Variants in MSRA observed in about 807,000 individuals in gnomAD.
MSRA encodes the protein methionine sulfoxide reductase A, also known as mitochondrial peptide methionine sulfoxide reductase.
Under a neutral mutation model 31.3 loss-of-function variants are expected in MSRA, and 54 were observed. The observed-to-expected ratio is 1.73, with a 90% CI of 1.39 to 2.17. The LOEUF (loss-of-function observed/expected upper bound fraction) is 2.17, where lower values mean the gene tolerates loss of function less well. Ranked by LOEUF, MSRA falls within the 30% of genes most tolerant of loss-of-function variation. The probability of loss-of-function intolerance (pLI) is 0.00; values close to 1 mark genes in which losing one functional copy is unlikely to be tolerated. For synonymous variants in MSRA, 169 were observed against 116.5 expected (o/e 1.45, Z -2.90); for missense variants, 507 against 300.9 (o/e 1.69, Z -5.07).
rs76596516 is a variant in MSRA at position 10,217,771 on chromosome 8, T to A, written c.211+9870T>A. On this transcript the variant is annotated intron_variant, in intron 2 of 5. Transcript: ENST00000317173. The stretch of plus-strand genomic sequence containing the variant: ...ATTTTTTACACCTAAAATAATACTT[T>A]TTAAATATCATCAAATCTCCAGTGA... 6.5e-3 allele frequency among the ~76,000 whole-genome samples: 989 copies of A among 152,308 alleles called. 75 individuals carry two copies. The East Asian group carries it at 0.15, about 23-fold the overall frequency.
At chr8:10,110,708 G>A (rs895442133) in intron 1 of MSRA, among the ~76,000 whole-genome samples, 1 of 152,164 alleles carries the variant, frequency 6.6e-6, no homozygotes, top group East Asian at 1.9e-4. Flanking sequence ...TCCCAGGCTG[G>A]CTGACCTGTG....
intron 1 of MSRA, among the ~76,000 whole-genome samples, chr8:10,184,352 T>C (rs7011004): frequency 0.54 from 82,567 of 151,602 alleles, 23,921 homozygotes; most frequent in African/African-American, 0.76. Context: ...CACTAATACA[T>C]TCTAAACCTC....
At chr8:10,256,198 G>T (rs530264336) in intron 3 of MSRA, among the ~76,000 whole-genome samples, 1 of 152,212 alleles carries the variant, frequency 6.6e-6, no homozygotes, top group Admixed American at 6.5e-5. Context: ...GCCTTTTTCA[G>T]AATGTCATTG....
intron 1 of MSRA, among the ~76,000 whole-genome samples, chr8:10,169,266 T>C (rs961884074): frequency 6.6e-6 from 1 of 152,208 alleles, no homozygotes; most frequent in Admixed American, 6.5e-5. Context: ...GCCTTAACAT[T>C]GTTACCAACC....
chr8:10,428,031 C>T, intron 5 of MSRA, 117 bp from the exon 6 acceptor site: 1 of 1,092,472 alleles, frequency 9.2e-7, no homozygotes, highest in Non-Finnish European at 1.3e-6. Flanking sequence ...AAAGGGGACC[C>T]ACTGCACATC....
At chr8:10,081,671 G>T (rs987447948) in intron 1 of MSRA, among the ~76,000 whole-genome samples, 2 of 152,060 alleles carry the variant, frequency 1.3e-5, no homozygotes, top group African/African-American at 2.4e-5. Context: ...TGTATTTTTA[G>T]TAGAGACGGG....
At chr8:10,282,522 C>T (rs1027069125) in intron 3 of MSRA, among the ~76,000 whole-genome samples, 4 of 152,200 alleles carry the variant, frequency 2.6e-5, no homozygotes, top group African/African-American at 9.6e-5. Context: ...CATTCTGTGT[C>T]CCCTTGGTGT....
chr8:10,062,269 C>T (rs1460277239), intron 1 of MSRA, among the ~76,000 whole-genome samples: 2 of 152,228 alleles, frequency 1.3e-5, no homozygotes, highest in East Asian at 1.9e-4. Context: ...CCTCCTGTTT[C>T]AGCTGACATC....
intron 3 of MSRA, among the ~76,000 whole-genome samples, chr8:10,270,899 G>A (rs1444162818): frequency 3.3e-5 from 5 of 152,144 alleles, no homozygotes; most frequent in Non-Finnish European, 7.4e-5. Flanking sequence ...TGGGAGCCAG[G>A]CGCCTTCCCC....
chr8:10,272,630 C>T (rs1357747753), intron 3 of MSRA, among the ~76,000 whole-genome samples: 1 of 152,248 alleles, frequency 6.6e-6, no homozygotes, highest in Non-Finnish European at 1.5e-5. Context: ...TGTCTTGGCA[C>T]AGTCAAGTTG....
chr8:10,222,841 G>C (rs1563236640), intron 2 of MSRA, among the ~76,000 whole-genome samples: 1 of 152,206 alleles, frequency 6.6e-6, no homozygotes, highest in Non-Finnish European at 1.5e-5. Flanking sequence ...CTGGAGAGAT[G>C]TTGGTCGAAG....
rs188371013 is a variant in MSRA at position 10,417,932 on chromosome 8, C to A, written c.544-10216C>A. Reference sequence around the variant, plus strand: ...CAGGCGTCCTGCTGCCGCTAGAGGGCGAAGTGAGTCTAGAATCCACATGCC... The same window carrying A: ...CAGGCGTCCTGCTGCCGCTAGAGGGAGAAGTGAGTCTAGAATCCACATGCC... On this transcript the variant is annotated intron_variant, in intron 5 of 5. Transcript: ENST00000317173. 3.3e-5 allele frequency among the ~76,000 whole-genome samples: 5 copies of A among 152,136 alleles called. No homozygotes were observed. In the East Asian group the frequency reaches 5.8e-4, roughly 18 times the overall value.
intron 1 of MSRA, among the ~76,000 whole-genome samples, chr8:10,071,458 C>CTTTTTTTTTTTTTTT: frequency 7.7e-6 from 1 of 129,272 alleles, no homozygotes; most frequent in Non-Finnish European, 1.6e-5. Flanking sequence ...TTTTAATTTT[C>CTTTTTTTTTTTTTTT]TTTTTTTTTT....
In MSRA at chr8:10,160,321, C is replaced by T. The variant is rs1261920009; in HGVS notation, c.143-47512C>T. ...CCATCCTGGCTAACACAGTTAAACTCCGTCTCTACTAAAAACACAAAAAAT... is the reference window on the plus strand; with the variant it reads ...CCATCCTGGCTAACACAGTTAAACTTCGTCTCTACTAAAAACACAAAAAAT... On this transcript the variant is annotated intron_variant, in intron 1 of 5. Coordinates refer to ENST00000317173, the MANE Select transcript of MSRA (RefSeq NM_012331.5). Among the ~76,000 whole-genome samples the T allele has an allele frequency of 2.6e-5, 4 of 152,112 alleles. No homozygotes were observed. The East Asian group carries it at 7.8e-4, about 30-fold the overall frequency.
intron 1 of MSRA, among the ~76,000 whole-genome samples, chr8:10,194,102 C>G (rs1488723193): frequency 6.6e-6 from 1 of 152,118 alleles, no homozygotes; most frequent in Non-Finnish European, 1.5e-5. Context: ...CAAACAGCAC[C>G]AAGTTCCAGA....
chr8:10,288,177 T>C (rs1800037862), intron 3 of MSRA, among the ~76,000 whole-genome samples: 3 of 152,232 alleles, frequency 2.0e-5, no homozygotes, highest in African/African-American at 4.8e-5. Flanking sequence ...TTTTTCAGGC[T>C]TTAAAAAAAT....
intron 3 of MSRA, among the ~76,000 whole-genome samples, chr8:10,261,370 G>T (rs1798472991): frequency 6.8e-6 from 1 of 147,104 alleles, no homozygotes; most frequent in African/African-American, 2.5e-5. Context: ...TCTTCATGAA[G>T]GGTATATAAT....
chr8:10,218,209 C>T (rs190124844), intron 2 of MSRA, among the ~76,000 whole-genome samples: 32 of 151,486 alleles, frequency 2.1e-4, no homozygotes, highest in Admixed American at 7.9e-4. Flanking sequence ...TGTAGTGGTG[C>T]GGTCTTGGCT....
chr8:10,264,316 C>T lies in MSRA; in HGVS notation c.331+19093C>T, dbSNP rs757097756. Among the ~76,000 whole-genome samples the T allele has an allele frequency of 7.2e-5, 11 of 152,186 alleles. No homozygotes were observed. In the South Asian group the frequency reaches 1.5e-3, roughly 20 times the overall value. On this transcript the variant is annotated intron_variant, in intron 3 of 5. Coordinates refer to ENST00000317173, the MANE Select transcript of MSRA (RefSeq NM_012331.5). ...CATTTAACCTCCTATACTATTAGGTCGTTTCTTTGATTGCCCAGAACAATC... is the reference window on the plus strand; with the variant it reads ...CATTTAACCTCCTATACTATTAGGTTGTTTCTTTGATTGCCCAGAACAATC...
Sources: gnomAD v4.1 joint callset for allele counts (sites outside exome capture counted in the v4.1 genomes callset) on GRCh38, gnomAD v4.1.1 for gene constraint, MANE v1.5 for transcripts, NCBI Gene and HGNC (gene_info 2026-07-23, HGNC 2026-07-21) for gene names.